SNX2: variants seen among roughly 807,000 people sequenced by gnomAD.
The protein encoded by SNX2 is sorting nexin-2.
In SNX2, 25 loss-of-function variants were observed where a neutral mutation model predicts 69.9. The ratio of observed to expected loss-of-function variants is 0.36; its 90% confidence interval spans 0.26 to 0.50. SNX2 has a LOEUF of 0.50. Ranked by LOEUF, SNX2 falls within the 20% of genes least tolerant of loss-of-function variation. The pLI is 0.97. For synonymous variants in SNX2, 229 were observed against 200.4 expected (o/e 1.14, Z -1.20); for missense variants, 551 against 613.3 (o/e 0.90, Z 1.07).
In SNX2 at chr5:122,833,424, AAAAC is replaced by A. The variant is rs1754338728; in HGVS notation, c.*3779_*3782del. The A allele has an allele frequency of 6.6e-6, 1 of 151,932 alleles. No homozygotes were observed. The highest frequency in any genetic ancestry group is 2.4e-5 in the African/African-American group (1 of 41,440). 9.4% of individuals were successfully genotyped at this position (151,932 alleles called of 1,614,324 possible). Reference sequence around the variant, plus strand: ...TCTACAGCCAAATGTTAAAAAGTAAAAAACAATTTTAATAATCCAGTAGCTCCAA... The same window carrying A: ...TCTACAGCCAAATGTTAAAAAGTAAAAATTTTAATAATCCAGTAGCTCCAA... On this transcript the variant is annotated 3_prime_UTR_variant, in exon 15 of 15. Coordinates refer to ENST00000379516, the MANE Select transcript of SNX2 (RefSeq NM_003100.4).
intron 11 of SNX2, among the ~76,000 whole-genome samples, chr5:122,825,294 C>A (rs1020288434): frequency 2.0e-5 from 3 of 151,902 alleles, no homozygotes; most frequent in African/African-American, 7.3e-5. Context: ...GTGGGTTCTC[C>A]CATCCTATCC....
intron 7 of SNX2, among the ~76,000 whole-genome samples, chr5:122,809,835 C>T (rs565522306): frequency 6.6e-6 from 1 of 152,198 alleles, no homozygotes; most frequent in South Asian, 2.1e-4. Context: ...AGTTTAAAAT[C>T]TTAGAGAAGG....
chr5:122,780,819 C>T (rs943545030), intron 1 of SNX2, among the ~76,000 whole-genome samples: 21 of 152,108 alleles, frequency 1.4e-4, no homozygotes, highest in Non-Finnish European at 2.6e-4. Context: ...CTGTCCACCT[C>T]GGCCCCCTAG....
At chr5:122,802,402 G>A (rs1175882311) in intron 5 of SNX2, among the ~76,000 whole-genome samples, 4 of 152,290 alleles carry the variant, frequency 2.6e-5, no homozygotes, top group Non-Finnish European at 4.4e-5. Context: ...GAATGCTTGT[G>A]CCAGGTGAGG....
Position 122,817,267 on chromosome 5 carries a change from AT to A in SNX2, c.913-6del. 6.2e-7 allele frequency: 1 copy of A among 1,610,862 alleles called. No homozygotes were observed. Among genetic ancestry groups the A allele is most frequent in the Non-Finnish European group, 8.5e-7 (1 of 1,177,604 alleles). On this transcript the variant is annotated splice_polypyrimidine_tract_variant and intron_variant, in intron 9 of 14. Coordinates refer to ENST00000379516, the MANE Select transcript of SNX2 (RefSeq NM_003100.4). Reference sequence around the variant, plus strand: ...TCTTCCTAAATTAGCTCCATTTTTCATTTTTTTCTTAGTGGTTTGAAGAAAA... The same window carrying A: ...TCTTCCTAAATTAGCTCCATTTTTCATTTTTTCTTAGTGGTTTGAAGAAAA...
chr5:122,796,783 A>G (rs576164680), intron 2 of SNX2, among the ~76,000 whole-genome samples: 26 of 152,282 alleles, frequency 1.7e-4, no homozygotes, highest in African/African-American at 6.3e-4. Flanking sequence ...AGTATGTTTA[A>G]ACCTTACTGT....
chr5:122,792,923 G>C (rs546240248), intron 1 of SNX2, among the ~76,000 whole-genome samples: 1 of 152,192 alleles, frequency 6.6e-6, no homozygotes, highest in African/African-American at 2.4e-5. Context: ...AGAACACAAT[G>C]ATACATACTC....
chr5:122,792,494 G>A (rs1424904844), intron 1 of SNX2, among the ~76,000 whole-genome samples: 1 of 152,102 alleles, frequency 6.6e-6, no homozygotes, highest in Admixed American at 6.5e-5. Flanking sequence ...CTACTTGGGA[G>A]GCTGAGGCAG....
rs529504345 is a variant in SNX2, at chr5:122,813,209, A to G, written c.723-2687A>G. 3.3e-4 allele frequency among the ~76,000 whole-genome samples: 50 copies of G among 152,076 alleles called. No homozygotes were observed. The South Asian group carries it at 0.01, about 31-fold the overall frequency. On this transcript the variant is annotated intron_variant, in intron 7 of 14. Coordinates refer to ENST00000379516, the MANE Select transcript of SNX2 (RefSeq NM_003100.4). ...TCTCTGGTCTTAATTCCGAATTGGC[A>G]TATGTTTATAAATATTTATTGTTTT...
rs1753465633 is a variant in SNX2, at chr5:122,799,678, T to G, written c.227-14T>G. Reference sequence around the variant, plus strand: ...TGCCAGTGTTCTTAACTAACTTGTTTAATCTATGTCTAGAAGCCACAGAAG... The same window carrying G: ...TGCCAGTGTTCTTAACTAACTTGTTGAATCTATGTCTAGAAGCCACAGAAG... On this transcript the variant is annotated splice_polypyrimidine_tract_variant and intron_variant, in intron 2 of 14. Coordinates refer to ENST00000379516, the MANE Select transcript of SNX2 (RefSeq NM_003100.4). 6.2e-7 allele frequency: 1 copy of G among 1,604,274 alleles called. No individual in the cohort carries two copies. Among genetic ancestry groups the G allele is most frequent in the Non-Finnish European group, 8.5e-7 (1 of 1,175,020 alleles).
intron 7 of SNX2, among the ~76,000 whole-genome samples, chr5:122,813,517 T>C (rs1461000880): frequency 6.6e-6 from 1 of 152,076 alleles, no homozygotes; most frequent in Non-Finnish European, 1.5e-5. Context: ...TTTGTCAACA[T>C]AGGATTTAAC....
chr5:122,789,203 A>C (rs1162661520), intron 1 of SNX2, among the ~76,000 whole-genome samples: 1 of 152,132 alleles, frequency 6.6e-6, no homozygotes, highest in Non-Finnish European at 1.5e-5. Context: ...TGTCTCATGC[A>C]GGCACCACTC....
chr5:122,804,136 T>G (rs1364384581), intron 6 of SNX2, among the ~76,000 whole-genome samples: 2 of 151,832 alleles, frequency 1.3e-5, no homozygotes, highest in East Asian at 3.9e-4. Flanking sequence ...AAAAAAAAAT[T>G]GGGTTGAAAT....
chr5:122,819,664 G>C (rs7718104), intron 11 of SNX2, among the ~76,000 whole-genome samples: 31,013 of 152,110 alleles, frequency 0.2, 3,599 homozygotes, highest in East Asian at 0.47. Context: ...ACGTTACCCA[G>C]TGTATCATGT....
At chr5:122,778,553 G>A (rs1055292957) in intron 1 of SNX2, among the ~76,000 whole-genome samples, 1 of 152,028 alleles carries the variant, frequency 6.6e-6, no homozygotes, top group South Asian at 2.1e-4. Flanking sequence ...CTGTCACCCA[G>A]GGTGGAGTGC....
intron 11 of SNX2, among the ~76,000 whole-genome samples, chr5:122,820,197 C>G (rs1356330238): frequency 1.3e-5 from 2 of 152,074 alleles, no homozygotes; most frequent in Non-Finnish European, 2.9e-5. Flanking sequence ...GTGACACTTC[C>G]AACAAACCCG....
chr5:122,788,780 C>A (rs895567355), intron 1 of SNX2, among the ~76,000 whole-genome samples: 7 of 152,092 alleles, frequency 4.6e-5, no homozygotes, highest in African/African-American at 1.2e-4. Context: ...TTTTTTGCAG[C>A]AGCTTCTGTT....
intron 5 of SNX2, 47 bp from the exon 6 acceptor site, chr5:122,803,425 T>C (rs755123899): frequency 5.1e-6 from 8 of 1,557,408 alleles, no homozygotes; most frequent in Non-Finnish European, 6.9e-6. Context: ...ACTTGTGGAA[T>C]AATTGCTTGC....
intron 6 of SNX2, among the ~76,000 whole-genome samples, chr5:122,804,467 G>T (rs1219153236): frequency 1.3e-5 from 2 of 150,588 alleles, no homozygotes; most frequent in Admixed American, 1.3e-4. Flanking sequence ...CTGGGTTTAA[G>T]TGATTCCCCT....
Sources: gnomAD v4.1 joint callset for allele counts (sites outside exome capture counted in the v4.1 genomes callset) on GRCh38, gnomAD v4.1.1 for gene constraint, MANE v1.5 for transcripts, NCBI Gene and HGNC (gene_info 2026-07-23, HGNC 2026-07-21) for gene names.